Variants in TMEM273 observed in about 807,000 individuals in gnomAD.
TMEM273 encodes the protein transmembrane protein 273, also known as chromosome 10 open reading frame 128.
A neutral mutation model predicts 17.9 loss-of-function variants in TMEM273; 19 were observed. The observed-to-expected ratio is 1.06, with a 90% CI of 0.74 to 1.55. The LOEUF is 1.55. Among genes scored for constraint, TMEM273 ranks in the 40% most tolerant of loss-of-function variants. The probability of loss-of-function intolerance (pLI) is 0.00; values close to 1 mark genes in which losing one functional copy is unlikely to be tolerated. For missense variants in TMEM273, 194 were observed against 155.6 expected (o/e 1.25, Z -1.31); for synonymous variants, 66 against 62.0 (o/e 1.07, Z -0.31).
chr10:49,170,838 C>T (rs777398282), intron 1 of TMEM273, among the ~76,000 whole-genome samples: 72 of 152,332 alleles, frequency 4.7e-4, no homozygotes, highest in Non-Finnish European at 9.1e-4. Context: ...CGGCCCCACC[C>T]CTGCATCCTG....
In TMEM273 at chr10:49,155,909, T is replaced by C. The variant is rs776846893; in HGVS notation, c.373A>G (p.Arg125Gly). 1 of 1,614,016 alleles carries C rather than the reference T, an allele frequency of 6.2e-7. No homozygotes were observed. The highest frequency in any genetic ancestry group is 8.5e-7 in the Non-Finnish European group (1 of 1,180,034). The change falls in exon 7 of 7, where the codon AGA becomes GGA. Residue 125 changes from arginine (R) to glycine (G), a missense_variant and splice_region_variant. By Grantham distance (125) the Arg-to-Gly change is moderately radical. Transcript: ENST00000374153. ...CCTACAGCTCAATCACCTGTGCATC[T>C]CTGGAAAGGAAGAGAACCATCTGGA... ...FKAKPQFLQK[R>G]CTGD is the part of the protein sequence containing the mutation.
intron 5 of TMEM273, among the ~76,000 whole-genome samples, chr10:49,162,048 G>C (rs1845876791): frequency 6.6e-6 from 1 of 152,016 alleles, no homozygotes; most frequent in Non-Finnish European, 1.5e-5. Flanking sequence ...AATAACTATT[G>C]GAGCCATCTT....
intron 1 of TMEM273, among the ~76,000 whole-genome samples, chr10:49,180,504 C>T (rs1847277804): frequency 6.6e-6 from 1 of 152,150 alleles, no homozygotes; most frequent in Non-Finnish European, 1.5e-5. Flanking sequence ...GGAAATGCCC[C>T]TTTTCTCTCG....
chr10:49,174,475 T>C (rs966892050), intron 1 of TMEM273, among the ~76,000 whole-genome samples: 10 of 152,198 alleles, frequency 6.6e-5, no homozygotes, highest in African/African-American at 2.4e-4. Context: ...GACCATGACT[T>C]GCAGAAATCT....
intron 5 of TMEM273, among the ~76,000 whole-genome samples, chr10:49,163,835 C>CA (rs1277955613): frequency 6.6e-6 from 1 of 152,026 alleles, no homozygotes; most frequent in Non-Finnish European, 1.5e-5. Context: ...GAGAAATCCT[C>CA]AAAAAAAGTG....
chr10:49,181,739 C>CT (rs1336689211), intron 1 of TMEM273, among the ~76,000 whole-genome samples: 6 of 151,946 alleles, frequency 3.9e-5, no homozygotes, highest in Non-Finnish European at 8.8e-5. Flanking sequence ...AAACATAAAA[C>CT]TATGTAAATT....
chr10:49,174,285 C>T lies in TMEM273; in HGVS notation c.44-6323G>A, dbSNP rs532437268. Among the ~76,000 whole-genome samples, 39 of 152,348 alleles carry T rather than the reference C, an allele frequency of 2.6e-4. No individual in the cohort carries two copies. The South Asian group carries it at 7.9e-3, about 31-fold the overall frequency. ...GCCTCAGGGCTCACAAATGGGTCTGCTTCTCAGGCACTCCACGGGGCTGTT... is the reference window on the plus strand; with the variant it reads ...GCCTCAGGGCTCACAAATGGGTCTGTTTCTCAGGCACTCCACGGGGCTGTT... On this transcript the variant is annotated intron_variant, in intron 1 of 6. Transcript: ENST00000374153.
At chr10:49,168,897 T>C (rs2490836) in intron 1 of TMEM273, among the ~76,000 whole-genome samples, 60,440 of 151,972 alleles carry the variant, frequency 0.4, 13,229 homozygotes, top group African/African-American at 0.58. Flanking sequence ...CCACTTACTC[T>C]GAGACGGACA....
At chr10:49,171,123 G>A (rs1240349371) in intron 1 of TMEM273, among the ~76,000 whole-genome samples, 1 of 152,248 alleles carries the variant, frequency 6.6e-6, no homozygotes, top group Non-Finnish European at 1.5e-5. Context: ...GAGGGAGCTT[G>A]GCACCCACAG....
intron 1 of TMEM273, among the ~76,000 whole-genome samples, chr10:49,176,177 C>T (rs1400698900): frequency 6.6e-6 from 1 of 152,208 alleles, no homozygotes; most frequent in African/African-American, 2.4e-5. Context: ...GTGCAGGCAG[C>T]AGCTGCCCTT....
At chr10:49,164,268 T>C (rs1009862532) in intron 5 of TMEM273, among the ~76,000 whole-genome samples, 2 of 152,138 alleles carry the variant, frequency 1.3e-5, no homozygotes, top group African/African-American at 4.8e-5. Flanking sequence ...TAGATTCTTT[T>C]CTCTCCTCCA....
intron 1 of TMEM273, among the ~76,000 whole-genome samples, chr10:49,172,260 C>T (rs145730930): frequency 0.011 from 1,680 of 152,244 alleles, 20 homozygotes; most frequent in Non-Finnish European, 0.02. Context: ...TAGGAGAAAT[C>T]AAAGAGCAAC....
At chr10:49,170,659 G>A (rs533875213) in intron 1 of TMEM273, among the ~76,000 whole-genome samples, 14 of 152,272 alleles carry the variant, frequency 9.2e-5, no homozygotes, top group African/African-American at 3.4e-4. Flanking sequence ...CACTCAAACA[G>A]CCAAGGGCCC....
intron 1 of TMEM273, among the ~76,000 whole-genome samples, chr10:49,184,313 G>A (rs1847533912): frequency 6.6e-6 from 1 of 152,148 alleles, no homozygotes; most frequent in African/African-American, 2.4e-5. Flanking sequence ...CAATAAATGT[G>A]ATTACATCAC....
In TMEM273 at chr10:49,165,448, G is replaced by A. The variant is rs1846114217; in HGVS notation, c.270-165C>T. On this transcript the variant is annotated intron_variant, in intron 4 of 6. Transcript: ENST00000374153. ...ACGTGTGACCTCCCAAGTGACAGGG[G>A]CTGGAGGCCTCATTCTGAAAGTCAG... 6 of 1,477,444 alleles carry A rather than the reference G, an allele frequency of 4.1e-6. No homozygotes were observed. The African/African-American group carries it at 7.1e-5, about 17-fold the overall frequency. 91.5% of individuals were successfully genotyped at this position (1,477,444 alleles called of 1,614,324 possible).
At chr10:49,161,847 C>G (rs780453211) in intron 5 of TMEM273, among the ~76,000 whole-genome samples, 3 of 152,096 alleles carry the variant, frequency 2.0e-5, no homozygotes, top group African/African-American at 4.8e-5. Context: ...GTTACGATAC[C>G]TGCCAAGAAC....
At chr10:49,156,006 T>A in intron 6 of TMEM273, 97 bp from the exon 7 acceptor site, 1 of 1,606,554 alleles carries the variant, frequency 6.2e-7, no homozygotes. Context: ...TAAACAGGTA[T>A]AAAAGCTCAT....
At position 49,155,852 on chromosome 10, in the gene TMEM273, G is replaced by T. The variant is rs536631405; in HGVS notation, c.*40C>A. On this transcript the variant is annotated 3_prime_UTR_variant, in exon 7 of 7. Transcript: ENST00000374153. ...ATGTTAACCATGGGCTGTTTTCCACGGGGCTAGAACCCCTCTTCACGTCAC... is the reference window on the plus strand; with the variant it reads ...ATGTTAACCATGGGCTGTTTTCCACTGGGCTAGAACCCCTCTTCACGTCAC... 6.2e-7 allele frequency: 1 copy of T among 1,614,034 alleles called. No homozygotes were observed. Among genetic ancestry groups the T allele is most frequent in the Non-Finnish European group, 8.5e-7 (1 of 1,180,002 alleles).
intron 1 of TMEM273, chr10:49,178,138 A>G (rs757010697): frequency 1.8e-5 from 8 of 456,364 alleles, no homozygotes; most frequent in South Asian, 1.2e-4. Flanking sequence ...ATAAGGCCCA[A>G]TGTCCTCCCA....
Sources: allele counts gnomAD v4.1 joint callset (sites outside exome capture counted in the v4.1 genomes callset), GRCh38; gene constraint gnomAD v4.1.1; transcripts MANE v1.5; gene names NCBI Gene and HGNC (gene_info 2026-07-23, HGNC 2026-07-21).